Variants in SYTL4 observed in about 807,000 individuals in gnomAD.
SYTL4 encodes synaptotagmin like 4, also known as synaptotagmin-like protein 4.
Under a neutral mutation model 52.7 loss-of-function variants are expected in SYTL4, and 16 were observed. That is an observed-to-expected ratio of 0.30 (90% CI 0.21 to 0.46). The LOEUF is 0.46. SYTL4 is among the 20% of genes least tolerant of loss of function. SYTL4 has a pLI of 1.00. For missense variants in SYTL4, 423 were observed against 519.9 expected (o/e 0.81, Z 1.81); for synonymous variants, 160 against 186.6 (o/e 0.86, Z 1.16).
chrX:100,729,828 C>A (rs1256012030), intron 2 of SYTL4, among the ~76,000 whole-genome samples: 1 of 110,254 alleles, frequency 9.1e-6, no homozygotes, highest in Non-Finnish European at 1.9e-5. Flanking sequence ...AGAACTCAAT[C>A]TTGAGGGATG....
rs764577704 is a variant in SYTL4 at position 100,678,496 on chromosome X, T to A, written c.1762A>T (p.Arg588Trp). The change falls in exon 19 of 20, where the codon AGG becomes TGG. Residue 588 changes from arginine (R) to tryptophan (W), a missense_variant. Coordinates refer to ENST00000372989, the MANE Select transcript of SYTL4 (RefSeq NM_001370165.1). Reference protein sequence around the residue: ...YNHTFVYNGVRLEDLQHMCLE... With the variant: ...YNHTFVYNGVWLEDLQHMCLE... Reference sequence around the variant, plus strand: ...CACATATGCTGTAGATCTTCCAGCCTCACACCATTGTAGACAAATGTATGG... The same window carrying A: ...CACATATGCTGTAGATCTTCCAGCCACACACCATTGTAGACAAATGTATGG... The A allele has an allele frequency of 8.3e-7, 1 of 1,208,712 alleles. No individual in the cohort carries two copies. The highest frequency in any genetic ancestry group is 1.8e-5 in the African/African-American group (1 of 56,965).
chrX:100,709,505 AAAAC>A (rs1448858356), intron 2 of SYTL4, among the ~76,000 whole-genome samples: 1 of 111,478 alleles, frequency 9.0e-6, no homozygotes, highest in Admixed American at 9.5e-5. Context: ...CTGTGTCCAT[AAAAC>A]AAACAAACAA....
At chrX:100,720,611 C>T (rs2084321449) in intron 2 of SYTL4, among the ~76,000 whole-genome samples, 1 of 112,362 alleles carries the variant, frequency 8.9e-6, no homozygotes, top group African/African-American at 3.2e-5. Flanking sequence ...ACACAGTCCC[C>T]TTAAATGTGA....
chrX:100,714,573 G>C (rs1347419662), intron 2 of SYTL4, among the ~76,000 whole-genome samples: 1 of 111,612 alleles, frequency 9.0e-6, no homozygotes, highest in African/African-American at 3.3e-5. Flanking sequence ...TTTTTTAATA[G>C]AGAATAAACA....
At chrX:100,729,885 C>T (rs1190080665) in intron 2 of SYTL4, among the ~76,000 whole-genome samples, 2 of 110,419 alleles carry the variant, frequency 1.8e-5, no homozygotes, top group African/African-American at 3.3e-5. Flanking sequence ...GGAAAGTTAG[C>T]TTTTTAGGAA....
At chrX:100,729,351 C>T (rs922196895) in intron 2 of SYTL4, among the ~76,000 whole-genome samples, 1 of 111,454 alleles carries the variant, frequency 9.0e-6, no homozygotes, top group Non-Finnish European at 1.9e-5. Flanking sequence ...TCCCTGCCCA[C>T]AGGGTGTTTA....
rs772295113 is a variant in SYTL4, at chrX:100,675,204, G to C, written c.*824C>G. 4 of 112,908 alleles carry C rather than the reference G, an allele frequency of 3.5e-5. No individual in the cohort carries two copies. Among genetic ancestry groups the C allele is most frequent in the Middle Eastern group, 4.6e-3 (1 of 217 alleles). 9.3% of individuals were successfully genotyped at this position (112,908 alleles called of 1,213,427 possible). A position where few individuals can be genotyped will look rare whatever the true frequency, so the allele number is the denominator to read the frequency against. On this transcript the variant is annotated 3_prime_UTR_variant, in exon 20 of 20. Coordinates refer to ENST00000372989, the MANE Select transcript of SYTL4 (RefSeq NM_001370165.1). ...GACTGCAGTATCAGTTTAAAATGCA[G>C]AAAATTCAGCATGGGCTGTGAGACA...
intron 2 of SYTL4, among the ~76,000 whole-genome samples, chrX:100,715,201 T>G (rs1348591139): frequency 9.0e-6 from 1 of 110,574 alleles, no homozygotes; most frequent in Non-Finnish European, 1.9e-5. Context: ...GTTTTTATTT[T>G]TTGTAGAGAT....
intron 16 of SYTL4, among the ~76,000 whole-genome samples, chrX:100,684,525 A>C (rs2083439478): frequency 9.0e-6 from 1 of 110,971 alleles, no homozygotes; most frequent in African/African-American, 3.3e-5. Flanking sequence ...AGCAGCAATT[A>C]AAATGAGATA....
Position 100,691,122 on chromosome X carries a change from C to T in SYTL4, c.627G>A (p.Ser209=), listed in dbSNP as rs751940221. 10 of 1,202,901 alleles carry T rather than the reference C, an allele frequency of 8.3e-6. No individual in the cohort carries two copies. The highest frequency in any genetic ancestry group is 2.3e-4 in the Middle Eastern group (1 of 4,364). Residue 209 remains serine (S), a synonymous_variant, in exon 9 of 20, where the codon TCG becomes TCA. Coordinates refer to ENST00000372989, the MANE Select transcript of SYTL4 (RefSeq NM_001370165.1). ...SESLDSFTAD[S]DSTSRRDSLD... ...GGGAACCCCACCTGGAGGTGCTATC[C>T]GAGTCAGCTGTGAAGCTATCCAGAC...
rs187703693 is a variant in SYTL4 at position 100,723,245 on chromosome X, G to C, written c.-240+8173C>G. ...CCTGATTCTCCTGCCTCAGCCTGCC[G>C]AGTGCCTGCGATCGCAGGCGCGCGC... On this transcript the variant is annotated intron_variant, in intron 2 of 19. Coordinates refer to ENST00000372989, the MANE Select transcript of SYTL4 (RefSeq NM_001370165.1). Among the ~76,000 whole-genome samples, 386 of 111,506 alleles carry C rather than the reference G, an allele frequency of 3.5e-3. 7 individuals carry two copies. In the East Asian group the frequency reaches 0.057, roughly 17 times the overall value.
intron 15 of SYTL4, 24 bp downstream of exon 15, chrX:100,686,655 T>C: frequency 1.8e-6 from 2 of 1,125,726 alleles, no homozygotes; most frequent in South Asian, 1.9e-5. Flanking sequence ...CAAGTTCTCC[T>C]ACCCTTGAGG....
At chrX:100,708,012 G>A (rs1490015412) in intron 2 of SYTL4, among the ~76,000 whole-genome samples, 1 of 107,766 alleles carries the variant, frequency 9.3e-6, no homozygotes, top group Non-Finnish European at 1.9e-5. Context: ...TCTCATAAGC[G>A]GGAGTTGAAC....
intron 2 of SYTL4, among the ~76,000 whole-genome samples, chrX:100,710,453 T>TG (rs1270869678): frequency 3.6e-5 from 4 of 112,066 alleles, no homozygotes. Flanking sequence ...AGAAATGTGA[T>TG]GGTGTCTACA....
intron 8 of SYTL4, among the ~76,000 whole-genome samples, chrX:100,694,217 A>G (rs2083658196): frequency 8.9e-6 from 1 of 112,036 alleles, no homozygotes; most frequent in South Asian, 3.8e-4. Context: ...AAGACAAAAT[A>G]AGGCTGTGCC....
Position 100,678,519 on chromosome X carries a change from T to C in SYTL4, c.1739A>G (p.His580Arg). Reference sequence around the variant, plus strand: ...CCTCACACCATTGTAGACAAATGTATGGTTGTAGTGAGGATTCAGGGTCTT... The same window carrying C: ...CCTCACACCATTGTAGACAAATGTACGGTTGTAGTGAGGATTCAGGGTCTT... ...MKKTLNPHYN[H>R]TFVYNGVRLE... The change falls in exon 19 of 20, where the codon CAT (histidine) becomes CGT (arginine). Residue 580 changes from histidine to arginine, a missense_variant. His to Arg is a conservative substitution (Grantham distance 29). Transcript: ENST00000372989. 3.3e-6 allele frequency: 4 copies of C among 1,210,482 alleles called. No individual in the cohort carries two copies. Among genetic ancestry groups the C allele is most frequent in the East Asian group, 3.0e-5 (1 of 33,834 alleles).
chrX:100,701,029 G>A, intron 7 of SYTL4, 30 bp from the exon 8 acceptor site: 9 of 1,124,869 alleles, frequency 8.0e-6, no homozygotes, highest in East Asian at 3.0e-5. Flanking sequence ...ATGCCAGGGT[G>A]GTGGTTATGA....
intron 5 of SYTL4, 121 bp downstream of exon 5, chrX:100,701,807 A>G (rs973900226): frequency 4.6e-5 from 37 of 806,549 alleles, no homozygotes; most frequent in Admixed American, 3.4e-4. Flanking sequence ...GCGTGACCCA[A>G]TAAGTAGTGG....
At position 100,715,466 on chromosome X, in the gene SYTL4, G is replaced by A. The variant is rs184745207; in HGVS notation, c.-239-10580C>T. On this transcript the variant is annotated intron_variant, in intron 2 of 19. Coordinates refer to ENST00000372989, the MANE Select transcript of SYTL4 (RefSeq NM_001370165.1). The stretch of plus-strand genomic sequence containing the variant: ...GTCCTTTACTTAAAGGCTGGTTAAG[G>A]GAAACTATTCTACAAATTGCCATAT... Among the ~76,000 whole-genome samples the A allele has an allele frequency of 3.8e-4, 42 of 111,819 alleles. No individual in the cohort carries two copies. The East Asian group carries it at 0.01, about 28-fold the overall frequency.
Sources: allele counts gnomAD v4.1 joint callset (sites outside exome capture counted in the v4.1 genomes callset), GRCh38; gene constraint gnomAD v4.1.1; transcripts MANE v1.5; gene names NCBI Gene and HGNC (gene_info 2026-07-23, HGNC 2026-07-21).